Variants in PIP5K1B observed in about 807,000 individuals in gnomAD.
PIP5K1B encodes phosphatidylinositol 4-phosphate 5-kinase type-1 beta.
Under a neutral mutation model 67.0 loss-of-function variants are expected in PIP5K1B, and 42 were observed. That is an observed-to-expected ratio of 0.63 (90% CI 0.49 to 0.81). The LOEUF (loss-of-function observed/expected upper bound fraction) is 0.81. Ranked by LOEUF, PIP5K1B falls within the 30% of genes least tolerant of loss-of-function variation. PIP5K1B has a pLI of 0.00. For synonymous variants in PIP5K1B, 214 were observed against 231.4 expected, an observed-to-expected ratio of 0.92 and a Z score of 0.68; for missense variants, 459 against 646.3, an observed-to-expected ratio of 0.71 and a Z score of 3.14.
intron 5 of PIP5K1B, among the ~76,000 whole-genome samples, chr9:68,873,223 C>T (rs900260562): frequency 1.3e-5 from 2 of 149,252 alleles, no homozygotes; most frequent in African/African-American, 4.9e-5. Flanking sequence ...CATATCTTTT[C>T]ATTTCTGTGA....
chr9:68,874,002 T>C (rs1433315332), intron 5 of PIP5K1B, among the ~76,000 whole-genome samples: 2 of 152,178 alleles, frequency 1.3e-5, no homozygotes, highest in African/African-American at 4.8e-5. Flanking sequence ...ATGAACCTAA[T>C]TTACAGAAGG....
intron 12 of PIP5K1B, among the ~76,000 whole-genome samples, chr9:68,932,126 G>A (rs1473768651): frequency 1.3e-5 from 2 of 152,162 alleles, no homozygotes; most frequent in Non-Finnish European, 2.9e-5. Flanking sequence ...CTCACTCCAT[G>A]AAATGCCATG....
chr9:68,851,893 G>A (rs981984510), intron 4 of PIP5K1B, among the ~76,000 whole-genome samples: 2 of 152,352 alleles, frequency 1.3e-5, no homozygotes, highest in African/African-American at 2.4e-5. Flanking sequence ...GAGCCAGGCC[G>A]TGTGGCTTAT....
At chr9:68,930,619 T>C (rs1317219670) in intron 12 of PIP5K1B, among the ~76,000 whole-genome samples, 2 of 151,984 alleles carry the variant, frequency 1.3e-5, no homozygotes, top group East Asian at 1.9e-4. Context: ...TTGCATAAAG[T>C]TGTGGCCCCA....
At chr9:68,747,524 A>G (rs1829379411) in intron 2 of PIP5K1B, among the ~76,000 whole-genome samples, 1 of 152,074 alleles carries the variant, frequency 6.6e-6, no homozygotes. Flanking sequence ...CCATTTTATT[A>G]TCTCATCTGG....
intron 8 of PIP5K1B, among the ~76,000 whole-genome samples, chr9:68,895,777 G>C (rs888800456): frequency 6.6e-6 from 1 of 152,046 alleles, no homozygotes; most frequent in Non-Finnish European, 1.5e-5. Context: ...AGTATGCCAG[G>C]TTAGTCTAAG....
chr9:68,985,120 A>G (rs954836829), intron 14 of PIP5K1B, among the ~76,000 whole-genome samples: 10 of 152,230 alleles, frequency 6.6e-5, no homozygotes, highest in Non-Finnish European at 1.3e-4. Context: ...TAAGGAAGGC[A>G]GCTGCAATCT....
chr9:68,888,851 C>A, intron 6 of PIP5K1B, 130 bp from the exon 7 acceptor site: 3 of 586,130 alleles, frequency 5.1e-6, no homozygotes, highest in South Asian at 5.8e-5. Flanking sequence ...ATACGTGGAG[C>A]CTCTTTTAAA....
At chr9:68,922,460 C>CACAAAAAAAGAAAAA (rs1826453125) in intron 11 of PIP5K1B, among the ~76,000 whole-genome samples, 1 of 128,258 alleles carries the variant, frequency 7.8e-6, no homozygotes, top group South Asian at 2.6e-4. Flanking sequence ...GACTCTGTCT[C>CACAAAAAAAGAAAAA]AAAAAAAAAG....
Position 68,961,151 on chromosome 9 carries a change from A to G in PIP5K1B, c.1502+20361A>G, listed in dbSNP as rs371833893. ...CGTGAACCCGGGAAGCGGAGCTTGC[A>G]GTGAGCCGAGATTGCGCCACTGCAG... On this transcript the variant is annotated intron_variant, in intron 14 of 15. Transcript: ENST00000265382. Among the ~76,000 whole-genome samples, 21 of 151,162 alleles carry G rather than the reference A, an allele frequency of 1.4e-4. No individual in the cohort carries two copies. In the East Asian group the frequency reaches 3.3e-3, roughly 24 times the overall value.
rs573490853 is a variant in PIP5K1B, at chr9:68,725,955, T to A, written c.-242-16546T>A. 5.3e-5 allele frequency among the ~76,000 whole-genome samples: 8 copies of A among 152,318 alleles called. No homozygotes were observed. In the South Asian group the frequency reaches 1.7e-3, roughly 32 times the overall value. On this transcript the variant is annotated intron_variant, in intron 1 of 15. Coordinates refer to ENST00000265382, the MANE Select transcript of PIP5K1B (RefSeq NM_003558.4). ...CCTTGCATACAAGGATGATTAGTGT[T>A]TTACTTGGTGCTGCCCATTTAGATG...
intron 1 of PIP5K1B, among the ~76,000 whole-genome samples, chr9:68,720,145 C>T: frequency 6.6e-6 from 1 of 152,170 alleles, no homozygotes; most frequent in East Asian, 1.9e-4. Flanking sequence ...CATTCTTAAG[C>T]TATAAAAACA....
At chr9:68,924,610 G>T (rs1165060825) in intron 12 of PIP5K1B, among the ~76,000 whole-genome samples, 1 of 151,916 alleles carries the variant, frequency 6.6e-6, no homozygotes, top group Non-Finnish European at 1.5e-5. Flanking sequence ...TCTGTGGGAA[G>T]TTTTTAAGAT....
chr9:68,759,308 A>C (rs556154494), intron 2 of PIP5K1B, among the ~76,000 whole-genome samples: 1 of 152,292 alleles, frequency 6.6e-6, no homozygotes, highest in African/African-American at 2.4e-5. Context: ...TATAGCATAA[A>C]GCAGGGAGTA....
chr9:68,881,132 C>G (rs1450066040), intron 6 of PIP5K1B, among the ~76,000 whole-genome samples: 1 of 152,196 alleles, frequency 6.6e-6, no homozygotes, highest in Non-Finnish European at 1.5e-5. Context: ...AAACAGTGGT[C>G]TCCCCATCCT....
intron 13 of PIP5K1B, among the ~76,000 whole-genome samples, chr9:68,938,734 C>T (rs569611063): frequency 6.6e-6 from 1 of 152,300 alleles, no homozygotes; most frequent in Non-Finnish European, 1.5e-5. Flanking sequence ...CAGAATTCAG[C>T]TCCTTGTAGC....
intron 4 of PIP5K1B, among the ~76,000 whole-genome samples, chr9:68,860,130 A>G (rs1221036065): frequency 6.6e-6 from 1 of 152,166 alleles, no homozygotes; most frequent in Non-Finnish European, 1.5e-5. Flanking sequence ...ATTGTACAAT[A>G]GATCTCTTGG....
At chr9:68,936,163 C>T (rs1339766692) in intron 13 of PIP5K1B, among the ~76,000 whole-genome samples, 1 of 152,074 alleles carries the variant, frequency 6.6e-6, no homozygotes, top group Non-Finnish European at 1.5e-5. Context: ...GCATAGACTT[C>T]ACACCCTTTT....
intron 14 of PIP5K1B, among the ~76,000 whole-genome samples, chr9:68,969,298 C>G (rs7037010): frequency 0.27 from 40,154 of 147,942 alleles, 6,913 homozygotes; most frequent in East Asian, 0.54. Flanking sequence ...AACCCAGGAG[C>G]CGGGGCTTGC....
Sources: gnomAD v4.1 joint callset for allele counts (sites outside exome capture counted in the v4.1 genomes callset) on GRCh38, gnomAD v4.1.1 for gene constraint, MANE v1.5 for transcripts, NCBI Gene and HGNC (gene_info 2026-07-23, HGNC 2026-07-21) for gene names.